NEMP2: variants seen among roughly 807,000 people sequenced by gnomAD.
NEMP2 encodes the protein UPF0571 transmembrane protein.
A neutral mutation model predicts 54.2 loss-of-function variants in NEMP2; 53 were observed. That is an observed-to-expected ratio of 0.98 (90% CI 0.78 to 1.23). The LOEUF (loss-of-function observed/expected upper bound fraction) is 1.23, where lower values mean the gene tolerates loss of function less well. Ranked by LOEUF, NEMP2 falls within the 50% of genes most tolerant of loss-of-function variation. The pLI, the probability that NEMP2 is intolerant of heterozygous loss-of-function variation, is 0.00. For missense variants in NEMP2, 455 were observed against 511.3 expected (o/e 0.89, Z 1.06); for synonymous variants, 197 against 190.3 (o/e 1.04, Z -0.29).
At chr2:190,532,592 A>G (rs576800216) in intron 1 of NEMP2, among the ~76,000 whole-genome samples, 12 of 152,306 alleles carry the variant, frequency 7.9e-5, no homozygotes, top group Admixed American at 7.8e-4. Context: ...TCCTCCAAAT[A>G]GAGTGACAGA....
At chr2:190,526,711 A>G (rs996317216) in intron 1 of NEMP2, among the ~76,000 whole-genome samples, 1 of 152,166 alleles carries the variant, frequency 6.6e-6, no homozygotes, top group Non-Finnish European at 1.5e-5. Flanking sequence ...TACTAGAAAA[A>G]AAGCAAGTTT....
chr2:190,555,112 G>A, the NEMP2 span, among the ~76,000 whole-genome samples: 1 of 152,148 alleles, frequency 6.6e-6, no homozygotes, highest in Non-Finnish European at 1.5e-5. The surrounding 1 kb of genome is among the most constrained non-coding windows in gnomAD (Gnocchi z 4.8). Flanking sequence ...AAACAGAAAG[G>A]AATAGTATCA....
chr2:190,446,646 C>A, the NEMP2 span, among the ~76,000 whole-genome samples: 2 of 152,110 alleles, frequency 1.3e-5, no homozygotes, highest in Admixed American at 1.3e-4. Context: ...GCTAATGAAA[C>A]ATGGACTACG....
upstream of NEMP2, among the ~76,000 whole-genome samples, chr2:190,539,119 T>C (rs895523809): frequency 1.3e-5 from 2 of 152,198 alleles, no homozygotes; most frequent in Non-Finnish European, 2.9e-5. This position sits in a 1 kb window ranked among gnomAD's most constrained non-coding sequence, Gnocchi z 4.1. Context: ...CTTGAGTTGA[T>C]GTTTCTATAT....
rs565356903 is a variant in NEMP2, at chr2:190,530,974, G to C, written c.97+3585C>G. 6.6e-6 allele frequency among the ~76,000 whole-genome samples: 1 copy of C among 152,232 alleles called. No homozygotes were observed. Among genetic ancestry groups the C allele is most frequent in the Non-Finnish European group, 1.5e-5 (1 of 68,012 alleles). ...AGGCCAGGAATTTGAGACCAGCCTG[G>C]GCAATATGGTGAAACCCTGTCTTTA... On this transcript the variant is annotated intron_variant, in intron 1 of 8. Coordinates refer to ENST00000409150, the MANE Select transcript of NEMP2 (RefSeq NM_001142645.2). This position sits in a 1 kb window ranked among gnomAD's most constrained non-coding sequence, Gnocchi z 4.6.
chr2:190,516,454 A>C, intron 5 of NEMP2, 70 bp from the exon 6 acceptor site: 1 of 1,179,542 alleles, frequency 8.5e-7, no homozygotes, highest in Non-Finnish European at 1.2e-6. Context: ...AAGCAAACAA[A>C]TAAACCTTTT....
At chr2:190,473,951 A>G in the NEMP2 span, among the ~76,000 whole-genome samples, 3 of 151,912 alleles carry the variant, frequency 2.0e-5, no homozygotes, top group African/African-American at 7.3e-5. Flanking sequence ...TGAACAACCT[A>G]CTCCTGAATG....
At chr2:190,644,633 C>A in the NEMP2 span, among the ~76,000 whole-genome samples, 1 of 152,042 alleles carries the variant, frequency 6.6e-6, no homozygotes, top group Non-Finnish European at 1.5e-5. This position sits in a 1 kb window ranked among gnomAD's most constrained non-coding sequence, Gnocchi z 4.4. Context: ...CCTTAGCAAA[C>A]TAACACAGGA....
the NEMP2 span, among the ~76,000 whole-genome samples, chr2:190,551,652 T>G: frequency 3.3e-5 from 5 of 152,358 alleles, no homozygotes; most frequent in Admixed American, 2.6e-4. Context: ...GTCTTTCTTG[T>G]GTAGGGATTT....
the NEMP2 span, among the ~76,000 whole-genome samples, chr2:190,543,666 T>C: frequency 2.3e-3 from 346 of 152,346 alleles, 4 homozygotes; most frequent in African/African-American, 8.2e-3. The surrounding 1 kb of genome is among the most constrained non-coding windows in gnomAD (Gnocchi z 4.7). Context: ...TTCAGGAATT[T>C]TGCTGGTGAT....
the NEMP2 span, chr2:190,437,668 A>G: frequency 7.5e-7 from 1 of 1,337,036 alleles, no homozygotes; most frequent in Non-Finnish European, 1.0e-6. The surrounding 1 kb of genome is among the most constrained non-coding windows in gnomAD (Gnocchi z 5.9). Flanking sequence ...TGTGTTGAGG[A>G]TAGGGTTGGA....
the NEMP2 span, among the ~76,000 whole-genome samples, chr2:190,432,373 A>C: frequency 6.6e-6 from 1 of 151,900 alleles, no homozygotes; most frequent in Non-Finnish European, 1.5e-5. Context: ...ACCGTTTACA[A>C]CTCTGCTTGG....
the NEMP2 span, chr2:190,436,605 A>G: frequency 1.2e-6 from 2 of 1,614,134 alleles, no homozygotes; most frequent in Non-Finnish European, 1.7e-6. This position sits in a 1 kb window ranked among gnomAD's most constrained non-coding sequence, Gnocchi z 5.3. Flanking sequence ...TCACCATATC[A>G]CCAAAAATGC....
chr2:190,554,119 CG>C, the NEMP2 span, among the ~76,000 whole-genome samples: 1 of 152,170 alleles, frequency 6.6e-6, no homozygotes. The surrounding 1 kb of genome is among the most constrained non-coding windows in gnomAD (Gnocchi z 5.7). Flanking sequence ...CCATGCACTC[CG>C]GCCCAGATAC....
the NEMP2 span, among the ~76,000 whole-genome samples, chr2:190,464,546 C>T: frequency 6.6e-6 from 1 of 152,124 alleles, no homozygotes; most frequent in Non-Finnish European, 1.5e-5. Flanking sequence ...TTCAGTCACC[C>T]TGTCTGGCCA....
At chr2:190,587,959 A>G in the NEMP2 span, among the ~76,000 whole-genome samples, 1 of 152,190 alleles carries the variant, frequency 6.6e-6, no homozygotes, top group Non-Finnish European at 1.5e-5. This position sits in a 1 kb window ranked among gnomAD's most constrained non-coding sequence, Gnocchi z 5.4. Context: ...ACTGAGCATG[A>G]AAGGAGGAAA....
chr2:190,584,148 T>C, the NEMP2 span, among the ~76,000 whole-genome samples: 1 of 152,168 alleles, frequency 6.6e-6, no homozygotes, highest in African/African-American at 2.4e-5. This position sits in a 1 kb window ranked among gnomAD's most constrained non-coding sequence, Gnocchi z 4.2. Context: ...CGAAGGTCTG[T>C]TTCACACTGA....
chr2:190,596,251 G>A, the NEMP2 span, among the ~76,000 whole-genome samples: 656 of 152,278 alleles, frequency 4.3e-3, 9 homozygotes, highest in African/African-American at 0.015. The surrounding 1 kb of genome is among the most constrained non-coding windows in gnomAD (Gnocchi z 5.1). Context: ...GCCTGTCAGG[G>A]AGTCAGGGGC....
chr2:190,541,707 T>C, the NEMP2 span, among the ~76,000 whole-genome samples: 1 of 152,210 alleles, frequency 6.6e-6, no homozygotes, highest in Non-Finnish European at 1.5e-5. The surrounding 1 kb of genome is among the most constrained non-coding windows in gnomAD (Gnocchi z 5.2). Context: ...ATATTTTCTA[T>C]TTGCAACTTA....
Sources: allele counts gnomAD v4.1 joint callset (sites outside exome capture counted in the v4.1 genomes callset), GRCh38; gene constraint gnomAD v4.1.1; non-coding constraint Gnocchi (gnomAD v3.1); transcripts MANE v1.5; gene names NCBI Gene and HGNC (gene_info 2026-07-23, HGNC 2026-07-21).